DPY19L3: variants seen among roughly 807,000 people sequenced by gnomAD.
DPY19L3 encodes the protein dpy-19 like C-mannosyltransferase 3.
In DPY19L3, 51 loss-of-function variants were observed where a neutral mutation model predicts 92.3. The ratio of observed to expected loss-of-function variants is 0.55; its 90% confidence interval spans 0.44 to 0.70. The LOEUF (loss-of-function observed/expected upper bound fraction) is 0.70, where lower values mean the gene tolerates loss of function less well. DPY19L3 is among the 30% of genes least tolerant of loss of function. The probability of loss-of-function intolerance (pLI) is 0.00; values close to 1 mark genes in which losing one functional copy is unlikely to be tolerated. For missense variants in DPY19L3, 706 were observed against 855.9 expected (o/e 0.82, Z 2.18); for synonymous variants, 309 against 315.2 (o/e 0.98, Z 0.21).
At chr19:32,468,967 A>G (rs1970274720) in intron 16 of DPY19L3, 154 bp downstream of exon 16, 1 of 609,646 alleles carries the variant, frequency 1.6e-6, no homozygotes, top group Admixed American at 3.9e-5. Context: ...TCCATATTTG[A>G]AAATAATGTC....
intron 8 of DPY19L3, among the ~76,000 whole-genome samples, chr19:32,444,043 A>G (rs1397024743): frequency 6.6e-6 from 1 of 151,886 alleles, no homozygotes; most frequent in African/African-American, 2.4e-5. Context: ...TCAAAAAAAA[A>G]AAAAAGAAAA....
chr19:32,424,320 TAA>T (rs11415675), intron 3 of DPY19L3, among the ~76,000 whole-genome samples: 1 of 141,988 alleles, frequency 7.0e-6, no homozygotes. Context: ...ACCCTGTCTC[TAA>T]AAAAAAAAAA....
chr19:32,468,503 C>T (rs1970261626), intron 15 of DPY19L3: 2 of 1,200,632 alleles, frequency 1.7e-6, no homozygotes, highest in East Asian at 3.6e-5. Flanking sequence ...TTGGCGATAC[C>T]TCACATCCTA....
intron 3 of DPY19L3, among the ~76,000 whole-genome samples, chr19:32,428,964 C>T (rs1437340142): frequency 6.6e-6 from 1 of 152,122 alleles, no homozygotes; most frequent in Non-Finnish European, 1.5e-5. Context: ...TCTCCTGCCT[C>T]AGCCTCCTGA....
At chr19:32,433,558 T>TAC (rs1969039480) in intron 4 of DPY19L3, among the ~76,000 whole-genome samples, 1 of 152,040 alleles carries the variant, frequency 6.6e-6, no homozygotes, top group Non-Finnish European at 1.5e-5. Flanking sequence ...GCTGGGACTA[T>TAC]GGGTGTGCAC....
intron 3 of DPY19L3, among the ~76,000 whole-genome samples, chr19:32,423,319 A>G (rs926118750): frequency 6.6e-6 from 1 of 151,010 alleles, no homozygotes; most frequent in African/African-American, 2.4e-5. Context: ...GCTCACTGCA[A>G]CCTCCGCCTT....
intron 16 of DPY19L3, among the ~76,000 whole-genome samples, chr19:32,475,397 A>T (rs1175037050): frequency 6.6e-6 from 1 of 152,186 alleles, no homozygotes; most frequent in Non-Finnish European, 1.5e-5. Flanking sequence ...CAGACTCATC[A>T]TGTTCTCTCT....
intron 12 of DPY19L3, among the ~76,000 whole-genome samples, 193 bp downstream of exon 12, chr19:32,458,702 C>T (rs547248635): frequency 1.3e-5 from 2 of 152,198 alleles, no homozygotes; most frequent in South Asian, 2.1e-4. Context: ...AGATTGCATG[C>T]GGTCTGGGCT....
In DPY19L3 at chr19:32,458,128, A is replaced by G. The variant is rs1186539732; in HGVS notation, c.1118A>G (p.His373Arg). ...KKILNLKSDE[H>R]IFKFLKAKFG... ...ATTCTTAACCTGAAGTCAGATGAAC[A>G]CATATTTAAATTTCTGAAGGCAAAA... is the stretch of plus-strand genomic sequence containing the variant. The change falls in exon 11 of 19, where the codon CAC becomes CGC. Residue 373 changes from histidine (H) to arginine (R), a missense_variant. By Grantham distance (29) the His-to-Arg change is conservative (BLOSUM62 0). Coordinates refer to ENST00000392250, the MANE Select transcript of DPY19L3 (RefSeq NM_001172774.2). 2 of 1,613,720 alleles carry G rather than the reference A, an allele frequency of 1.2e-6. No homozygotes were observed. The highest frequency in any genetic ancestry group is 2.7e-5 in the African/African-American group (2 of 74,940).
rs894150448 is a variant in DPY19L3, at chr19:32,470,464, C to A, written c.1697+1651C>A. ...TCTTCCGGATCTCCTTAGATTAGCA[C>A]CATAAACACCCCAGTCTTTCAGGAA... On this transcript the variant is annotated intron_variant, in intron 16 of 18. Transcript: ENST00000392250. Among the ~76,000 whole-genome samples, 5 of 152,096 alleles carry A rather than the reference C, an allele frequency of 3.3e-5. No homozygotes were observed. In the East Asian group the frequency reaches 9.6e-4, roughly 29 times the overall value.
chr19:32,410,619 C>T (rs1019470856), intron 2 of DPY19L3, among the ~76,000 whole-genome samples: 1 of 152,068 alleles, frequency 6.6e-6, no homozygotes, highest in Non-Finnish European at 1.5e-5. Context: ...CCTGTATCTA[C>T]TAAAAATACA....
chr19:32,437,483 A>G, intron 6 of DPY19L3, 144 bp downstream of exon 6: 1 of 904,614 alleles, frequency 1.1e-6, no homozygotes, highest in Non-Finnish European at 1.6e-6. Context: ...GGTTTACTCA[A>G]TTTTTCTTAT....
intron 12 of DPY19L3, among the ~76,000 whole-genome samples, chr19:32,462,939 G>A (rs1167825809): frequency 2.0e-5 from 3 of 152,090 alleles, no homozygotes; most frequent in Admixed American, 1.3e-4. Context: ...TGATTTTTGA[G>A]GGGTCATAAA....
chr19:32,468,133 C>T, intron 15 of DPY19L3: 2 of 963,650 alleles, frequency 2.1e-6, no homozygotes, highest in Non-Finnish European at 2.5e-6. Context: ...AGCTCTGCCG[C>T]TTGTGACTTG....
chr19:32,463,336 T>C (rs1251671806), intron 12 of DPY19L3, 30 bp from the exon 13 acceptor site: 1 of 1,611,398 alleles, frequency 6.2e-7, no homozygotes, highest in Non-Finnish European at 8.5e-7. Flanking sequence ...TGTTTCCAGC[T>C]TAAATTTTGT....
rs187582151 is a variant in DPY19L3, at chr19:32,443,203, C to T, written c.855+3293C>T. On this transcript the variant is annotated intron_variant, in intron 8 of 18. Transcript: ENST00000392250. Reference sequence around the variant, plus strand: ...GGGACCTGTAGAGAGCCTGAACTTTCGCCTTCACCCAGCAATAAGGAAGTA... The same window carrying T: ...GGGACCTGTAGAGAGCCTGAACTTTTGCCTTCACCCAGCAATAAGGAAGTA... Among the ~76,000 whole-genome samples the T allele has an allele frequency of 2.1e-4, 32 of 152,282 alleles. No individual in the cohort carries two copies. In the East Asian group the frequency reaches 5.8e-3, roughly 28 times the overall value.
intron 15 of DPY19L3, chr19:32,468,237 C>T (rs1970254013): frequency 4.2e-6 from 4 of 949,786 alleles, no homozygotes; most frequent in Non-Finnish European, 5.0e-6. Context: ...TCATCCATGT[C>T]ATGGGTTATT....
intron 4 of DPY19L3, 41 bp from the exon 5 acceptor site, chr19:32,436,405 G>A (rs2302773): frequency 0.16 from 218,605 of 1,341,994 alleles, 18,312 homozygotes; most frequent in Admixed American, 0.18. Context: ...GAATAATTAT[G>A]AGTGTAATTA....
At chr19:32,468,134 T>A in intron 15 of DPY19L3, 1 of 965,304 alleles carries the variant, frequency 1.0e-6, no homozygotes, top group Non-Finnish European at 1.2e-6. Flanking sequence ...GCTCTGCCGC[T>A]TGTGACTTGG....
Sources: gnomAD v4.1 joint callset for allele counts (sites outside exome capture counted in the v4.1 genomes callset) on GRCh38, gnomAD v4.1.1 for gene constraint, MANE v1.5 for transcripts, NCBI Gene and HGNC (gene_info 2026-07-23, HGNC 2026-07-21) for gene names.